Variants in AIMP2 observed in about 807,000 individuals in gnomAD.
The protein encoded by AIMP2 is aminoacyl tRNA synthetase complex interacting multifunctional protein 2.
In AIMP2, 20 loss-of-function variants were observed where a neutral mutation model predicts 23.4. That is an observed-to-expected ratio of 0.85 (90% CI 0.60 to 1.24). The LOEUF is 1.24. Among genes scored for constraint, AIMP2 ranks in the 50% most tolerant of loss-of-function variants. The pLI is 0.00. For missense variants in AIMP2, 515 were observed against 414.5 expected, an observed-to-expected ratio of 1.24 and a Z score of -2.10; for synonymous variants, 210 against 170.4, an observed-to-expected ratio of 1.23 and a Z score of -1.81.
At chr7:6,018,390 C>T (rs200438481) in intron 3 of AIMP2, among the ~76,000 whole-genome samples, 2 of 150,926 alleles carry the variant, frequency 1.3e-5, no homozygotes, top group Non-Finnish European at 3.0e-5. Flanking sequence ...CCTCATGATC[C>T]ACCTGCCTCA....
rs759397085 is a variant in AIMP2, at chr7:6,015,154, T to C, written c.144T>C (p.Ser48=). The C allele has an allele frequency of 6.2e-7, 1 of 1,614,166 alleles. No homozygotes were observed. Among genetic ancestry groups the C allele is most frequent in the Non-Finnish European group, 8.5e-7 (1 of 1,179,992 alleles). ...APGAGHVQEE[S]NLSLQALESR... is the part of the protein sequence containing the mutation. ...GCTGTTGGTTTGTTTAGGAAGAGTC[T>C]AACCTGTCTCTGCAAGCTCTTGAGT... The change falls in exon 2 of 4, where the codon TCT becomes TCC. Residue 48 remains serine (S), a synonymous_variant. Transcript: ENST00000223029.
chr7:6,019,606 G>A (rs1439892036), intron 3 of AIMP2, among the ~76,000 whole-genome samples: 1 of 151,830 alleles, frequency 6.6e-6, no homozygotes, highest in Non-Finnish European at 1.5e-5. Flanking sequence ...TACTGAAAAT[G>A]TTCCCAAGAA....
At chr7:6,013,074 G>A (rs1457663563) in intron 1 of AIMP2, 2 of 759,520 alleles carry the variant, frequency 2.6e-6, no homozygotes, top group Non-Finnish European at 3.2e-6. Flanking sequence ...GTCAGAGCCA[G>A]GGTGGTGGTT....
intron 1 of AIMP2, among the ~76,000 whole-genome samples, chr7:6,014,750 C>G (rs982117251): frequency 1.5e-4 from 23 of 150,180 alleles, no homozygotes; most frequent in African/African-American, 5.1e-4. Flanking sequence ...GATGGAGTCT[C>G]ACTCTGTCAC....
intron 1 of AIMP2, among the ~76,000 whole-genome samples, chr7:6,010,414 C>G (rs888042549): frequency 2.0e-5 from 3 of 150,302 alleles, no homozygotes; most frequent in African/African-American, 4.9e-5. Flanking sequence ...ATTTTGTCAA[C>G]TATTTATCCC....
chr7:6,020,035 AAAG>A (rs1227137119), intron 3 of AIMP2, among the ~76,000 whole-genome samples: 9 of 148,522 alleles, frequency 6.1e-5, no homozygotes, highest in African/African-American at 1.5e-4. Context: ...AAAAAAAAAA[AAAG>A]GGAAATTCAT....
At chr7:6,021,338 C>CAAAAAAAAA (rs563523048) in intron 3 of AIMP2, among the ~76,000 whole-genome samples, 2 of 65,954 alleles carry the variant, frequency 3.0e-5, no homozygotes, top group Non-Finnish European at 5.8e-5. Context: ...GACTCCATCT[C>CAAAAAAAAA]AAAAAAAAAA....
At chr7:6,020,143 G>A (rs747676319) in intron 3 of AIMP2, among the ~76,000 whole-genome samples, 2 of 152,044 alleles carry the variant, frequency 1.3e-5, no homozygotes, top group Admixed American at 6.6e-5. Flanking sequence ...GATTTTGGCC[G>A]GTTGTGGTGG....
chr7:6,023,628 G>C lies in AIMP2; in HGVS notation c.900G>C (p.Gln300His). 1 of 1,614,168 alleles carries C rather than the reference G, an allele frequency of 6.2e-7. No individual in the cohort carries two copies. The highest frequency in any genetic ancestry group is 2.2e-5 in the East Asian group (1 of 44,886). Residue 300 changes from glutamine (Q) to histidine (H), a missense_variant, in exon 4 of 4, where the codon CAG (glutamine) becomes CAC (histidine). Gln to His is a conservative substitution (Grantham distance 24). Coordinates refer to ENST00000223029, the MANE Select transcript of AIMP2 (RefSeq NM_006303.4). ...GCSVTVPANV[Q>H]RWMRSCENLA... ...GTGTGACAGTGCCAGCCAATGTGCA[G>C]AGGTGGATGAGGTCTTGTGAAAACC...
chr7:6,021,529 C>T (rs1233852387), intron 3 of AIMP2, among the ~76,000 whole-genome samples: 5 of 151,924 alleles, frequency 3.3e-5, no homozygotes, highest in Admixed American at 1.3e-4. Context: ...ATCAAGGAAA[C>T]CATGAAATAG....
In AIMP2 at chr7:6,009,308, C is replaced by G; in HGVS notation, c.-56C>G. The stretch of plus-strand genomic sequence containing the variant: ...GGCCGGTCTCCGTCGTGACCTCTGA[C>G]GGTTTCTGAGCGTTGGCCTTTGGCA... On this transcript the variant is annotated 5_prime_UTR_variant, in exon 1 of 4. Transcript: ENST00000223029. The G allele has an allele frequency of 1.9e-6, 3 of 1,610,920 alleles. No homozygotes were observed. The highest frequency in any genetic ancestry group is 2.5e-6 in the Non-Finnish European group (3 of 1,179,660).
At chr7:6,016,942 A>T (rs958939667) in intron 2 of AIMP2, 2 of 160,714 alleles carry the variant, frequency 1.2e-5, no homozygotes, top group African/African-American at 4.8e-5. Flanking sequence ...GCCAGAGCAA[A>T]CTGTGGCCCC....
At chr7:6,015,065 C>T in intron 1 of AIMP2, 81 bp from the exon 2 acceptor site, 1 of 1,595,998 alleles carries the variant, frequency 6.3e-7, no homozygotes, top group Non-Finnish European at 8.6e-7. Context: ...GAGTGCATGG[C>T]AAAGTAAGAC....
intron 3 of AIMP2, among the ~76,000 whole-genome samples, chr7:6,019,964 G>T (rs951944590): frequency 6.7e-6 from 1 of 148,794 alleles, no homozygotes; most frequent in African/African-American, 2.5e-5. Context: ...GGAGGTTGCA[G>T]TCAGCTGAAG....
At chr7:6,023,053 C>G in intron 3 of AIMP2, 11 of 451,394 alleles carry the variant, frequency 2.4e-5, no homozygotes, top group South Asian at 7.1e-5. Flanking sequence ...GAGGTCCCTT[C>G]TAGCTTCAGA....
intron 1 of AIMP2, among the ~76,000 whole-genome samples, chr7:6,011,539 A>T (rs193157096): frequency 6.6e-6 from 1 of 152,332 alleles, no homozygotes; most frequent in East Asian, 1.9e-4. Context: ...AAGATGGGTG[A>T]ATCGGTAACT....
At chr7:6,021,186 A>G (rs1376306976) in intron 3 of AIMP2, among the ~76,000 whole-genome samples, 4 of 152,110 alleles carry the variant, frequency 2.6e-5, no homozygotes, top group African/African-American at 7.2e-5. Flanking sequence ...AGTGCTATGA[A>G]AGAGAACCCT....
Position 6,017,863 on chromosome 7 carries a change from C to T in AIMP2, c.392C>T (p.Pro131Leu). ...GTGATCAACGCAAACCCGGCCTCCC[C>T]TCCCCTCTCCCTGCTTGTGCTGCAC... ...DIVINANPAS[P>L]PLSLLVLHRL... The change falls in exon 3 of 4, where the codon CCT becomes CTT. Residue 131 changes from proline to leucine, a missense_variant. By Grantham distance (98) the Pro-to-Leu change is moderately conservative. Transcript: ENST00000223029. 3 of 1,614,118 alleles carry T rather than the reference C, an allele frequency of 1.9e-6. No homozygotes were observed. Among genetic ancestry groups the T allele is most frequent in the Non-Finnish European group, 2.5e-6 (3 of 1,180,036 alleles).
chr7:6,020,224 C>T (rs555867712), intron 3 of AIMP2, among the ~76,000 whole-genome samples: 1 of 151,820 alleles, frequency 6.6e-6, no homozygotes, highest in African/African-American at 2.4e-5. Context: ...AGTTCAAGAC[C>T]AGCCTGACCA....
Sources: gnomAD v4.1 joint callset for allele counts (sites outside exome capture counted in the v4.1 genomes callset) on GRCh38, gnomAD v4.1.1 for gene constraint, MANE v1.5 for transcripts, NCBI Gene and HGNC (gene_info 2026-07-23, HGNC 2026-07-21) for gene names.